Variants in ZBTB7C observed in about 807,000 individuals in gnomAD.
The protein encoded by ZBTB7C is zinc finger and BTB domain-containing protein 7C.
Under a neutral mutation model 25.7 loss-of-function variants are expected in ZBTB7C, and 8 were observed. The ratio of observed to expected loss-of-function variants is 0.31; its 90% CI spans 0.18 to 0.56. The LOEUF is 0.56. Ranked by LOEUF, ZBTB7C falls within the 20% of genes least tolerant of loss-of-function variation. ZBTB7C has a pLI of 0.91. For synonymous variants in ZBTB7C, 394 were observed against 369.0 expected, an observed-to-expected ratio of 1.07 and a Z score of -0.78; for missense variants, 824 against 855.2, an observed-to-expected ratio of 0.96 and a Z score of 0.46.
chr18:48,381,641 G>C (rs1243262623), intron 1 of ZBTB7C, among the ~76,000 whole-genome samples: 3 of 152,120 alleles, frequency 2.0e-5, no homozygotes, highest in Admixed American at 6.5e-5. Flanking sequence ...GGAGGTAATG[G>C]GCCAGTTAGC....
At chr18:48,069,040 C>T (rs1355467749) in intron 3 of ZBTB7C, among the ~76,000 whole-genome samples, 1 of 152,238 alleles carries the variant, frequency 6.6e-6, no homozygotes, top group Non-Finnish European at 1.5e-5. Flanking sequence ...TGGCACCTGC[C>T]AGGTAGGCCG....
intron 1 of ZBTB7C, among the ~76,000 whole-genome samples, chr18:48,406,314 C>G (rs550773241): frequency 6.6e-6 from 1 of 152,208 alleles, no homozygotes; most frequent in African/African-American, 2.4e-5. Context: ...CCCTTCACAC[C>G]GCCCCTGCTG....
At chr18:48,048,148 G>A (rs2036546664) in intron 3 of ZBTB7C, among the ~76,000 whole-genome samples, 1 of 152,142 alleles carries the variant, frequency 6.6e-6, no homozygotes, top group Non-Finnish European at 1.5e-5. Context: ...CTTGCCAGGT[G>A]ACTAAGGAGT....
intron 3 of ZBTB7C, among the ~76,000 whole-genome samples, chr18:48,044,271 C>T (rs1414849967): frequency 6.6e-6 from 1 of 152,220 alleles, no homozygotes; most frequent in Non-Finnish European, 1.5e-5. Flanking sequence ...GAAGGTGTCC[C>T]CAGGCTGAGG....
chr18:48,286,535 T>C (rs1342926761), intron 2 of ZBTB7C, among the ~76,000 whole-genome samples: 1 of 151,960 alleles, frequency 6.6e-6, no homozygotes, highest in Non-Finnish European at 1.5e-5. Flanking sequence ...AATATAATAA[T>C]TCTAAATATG....
chr18:48,117,068 G>A (rs1232051403), intron 3 of ZBTB7C, among the ~76,000 whole-genome samples: 1 of 152,084 alleles, frequency 6.6e-6, no homozygotes, highest in African/African-American at 2.4e-5. Context: ...GCTGGGCGTG[G>A]TTAGAGCTGT....
chr18:48,161,700 G>GGCCCGGCCCC (rs1555703715), intron 3 of ZBTB7C, among the ~76,000 whole-genome samples: 222 of 146,576 alleles, frequency 1.5e-3, no homozygotes, highest in African/African-American at 5.4e-3. Context: ...TGCCCGGCCC[G>GGCCCGGCCCC]GCCCGGCCCG....
chr18:48,034,394 A>C (rs2035881383), intron 4 of ZBTB7C, among the ~76,000 whole-genome samples: 2 of 151,912 alleles, frequency 1.3e-5, no homozygotes, highest in Admixed American at 6.6e-5. Flanking sequence ...TGCCCTGTAA[A>C]CCCTGGCTCC....
chr18:48,217,669 C>T (rs974616533), intron 2 of ZBTB7C, among the ~76,000 whole-genome samples: 2 of 151,962 alleles, frequency 1.3e-5, no homozygotes, highest in Admixed American at 6.5e-5. Flanking sequence ...GAGAGCCACA[C>T]TCCCCGTGTA....
intron 2 of ZBTB7C, among the ~76,000 whole-genome samples, chr18:48,227,151 T>C (rs974041535): frequency 6.6e-6 from 1 of 152,016 alleles, no homozygotes; most frequent in African/African-American, 2.4e-5. Flanking sequence ...GAGCCAGCCA[T>C]GCCTGAAAAG....
intron 3 of ZBTB7C, among the ~76,000 whole-genome samples, chr18:48,077,709 C>A (rs1371677675): frequency 6.6e-6 from 1 of 152,160 alleles, no homozygotes; most frequent in Non-Finnish European, 1.5e-5. Flanking sequence ...GTAGTGGTGG[C>A]AACATTTGAT....
chr18:48,113,744 G>A (rs2039327947), intron 3 of ZBTB7C, among the ~76,000 whole-genome samples: 1 of 152,254 alleles, frequency 6.6e-6, no homozygotes, highest in African/African-American at 2.4e-5. Flanking sequence ...TGATGGCAGA[G>A]TCAGGAGAGT....
chr18:48,067,317 AAACTCTGG>A (rs2037369589), intron 3 of ZBTB7C, among the ~76,000 whole-genome samples: 1 of 152,192 alleles, frequency 6.6e-6, no homozygotes, highest in African/African-American at 2.4e-5. Context: ...ACCAGCTATG[AAACTCTGG>A]ATGAGTTGTT....
At chr18:48,117,588 G>A (rs1357119283) in intron 3 of ZBTB7C, among the ~76,000 whole-genome samples, 1 of 152,180 alleles carries the variant, frequency 6.6e-6, no homozygotes, top group East Asian at 1.9e-4. Flanking sequence ...TTCACTGGAT[G>A]GTTGTAAGGG....
intron 1 of ZBTB7C, among the ~76,000 whole-genome samples, chr18:48,394,698 T>G (rs1219691710): frequency 6.6e-6 from 1 of 152,132 alleles, no homozygotes; most frequent in Non-Finnish European, 1.5e-5. Flanking sequence ...GGCTAATACA[T>G]TAGCAGGGGC....
chr18:48,274,931 C>A (rs2044601238), intron 2 of ZBTB7C, among the ~76,000 whole-genome samples: 1 of 152,178 alleles, frequency 6.6e-6, no homozygotes, highest in African/African-American at 2.4e-5. Context: ...CTCCTCCCTC[C>A]CGCTACAACA....
intron 1 of ZBTB7C, among the ~76,000 whole-genome samples, chr18:48,377,603 C>G (rs1376014382): frequency 6.6e-6 from 1 of 152,228 alleles, no homozygotes; most frequent in Admixed American, 6.5e-5. Flanking sequence ...ACTTCCTCCC[C>G]AAACCCTTTT....
chr18:48,100,234 C>T (rs1472279544), intron 3 of ZBTB7C, among the ~76,000 whole-genome samples: 3 of 152,186 alleles, frequency 2.0e-5, no homozygotes, highest in Non-Finnish European at 2.9e-5. Context: ...GTTCAGCCCG[C>T]GTGCTTGACA....
chr18:48,156,472 G>A (rs898363556), intron 3 of ZBTB7C, among the ~76,000 whole-genome samples: 4 of 152,198 alleles, frequency 2.6e-5, no homozygotes, highest in Non-Finnish European at 4.4e-5. Context: ...GCTTGTCTGT[G>A]AAGGAAAGCA....
Sources: allele counts gnomAD v4.1 joint callset (sites outside exome capture counted in the v4.1 genomes callset), GRCh38; gene constraint gnomAD v4.1.1; transcripts MANE v1.5; gene names NCBI Gene and HGNC (gene_info 2026-07-23, HGNC 2026-07-21).